The following PDE1C variants were observed in gnomAD, a reference collection of about 807,000 sequenced individuals.
The protein encoded by PDE1C is phosphodiesterase 1C.
A neutral mutation model predicts 93.1 loss-of-function variants in PDE1C; 62 were observed. The observed-to-expected ratio is 0.67, with a 90% CI of 0.54 to 0.82. The LOEUF (loss-of-function observed/expected upper bound fraction) is 0.82. Ranked by LOEUF, PDE1C falls within the 40% of genes least tolerant of loss-of-function variation. PDE1C has a pLI of 0.00. For synonymous variants in PDE1C, 325 were observed against 310.1 expected, an observed-to-expected ratio of 1.05 and a Z score of -0.50; for missense variants, 742 against 884.6, an observed-to-expected ratio of 0.84 and a Z score of 2.04.
chr7:32,242,059 C>T (rs916155524), intron 1 of PDE1C, among the ~76,000 whole-genome samples: 2 of 152,044 alleles, frequency 1.3e-5, no homozygotes, highest in Non-Finnish European at 2.9e-5. Context: ...AATGCACTGA[C>T]CAAGATTTGC....
chr7:32,133,340 G>A (rs1800024962), intron 3 of PDE1C, among the ~76,000 whole-genome samples: 1 of 152,146 alleles, frequency 6.6e-6, no homozygotes, highest in Non-Finnish European at 1.5e-5. Context: ...GGTTTTGGAG[G>A]AAGTTGAAAC....
Position 31,754,023 on chromosome 7 carries a change from T to A in PDE1C, c.1961-470A>T, listed in dbSNP as rs1794283703. Among the ~76,000 whole-genome samples, 3 of 152,022 alleles carry A rather than the reference T, an allele frequency of 2.0e-5. No individual in the cohort carries two copies. In the South Asian group the frequency reaches 6.2e-4, roughly 31 times the overall value. On this transcript the variant is annotated intron_variant, in intron 17 of 17. Transcript: ENST00000396191. ...ATAAAACACATATAAAGATCTTGTA[T>A]TCAAAATATAAAAAGAATTCTTAAA...
At chr7:32,399,815 C>T (rs1165928217) in intron 1 of PDE1C, among the ~76,000 whole-genome samples, 1 of 151,792 alleles carries the variant, frequency 6.6e-6, no homozygotes, top group Non-Finnish European at 1.5e-5. Flanking sequence ...AACTCCTAGC[C>T]TCAAGCAATC....
At chr7:32,181,085 A>T (rs1213680759) in intron 2 of PDE1C, among the ~76,000 whole-genome samples, 1 of 152,212 alleles carries the variant, frequency 6.6e-6, no homozygotes, top group African/African-American at 2.4e-5. Flanking sequence ...AGTCTACATG[A>T]TATCTGGATC....
At chr7:32,015,174 A>G (rs1187130711) in intron 2 of PDE1C, among the ~76,000 whole-genome samples, 1 of 152,056 alleles carries the variant, frequency 6.6e-6, no homozygotes, top group Non-Finnish European at 1.5e-5. Context: ...GTCATGCTGA[A>G]CTGTCAGTCA....
Position 31,810,114 on chromosome 7 carries a change from C to A in PDE1C, c.1814-1006G>T, listed in dbSNP as rs116822310. On this transcript the variant is annotated intron_variant, in intron 15 of 17. Coordinates refer to ENST00000396191, the MANE Select transcript of PDE1C (RefSeq NM_001191057.4). ...GGTTCTTTACAGTATAACAGTGCTG[C>A]ATCCCTATCTAAAATAATTTAATAA... Among the ~76,000 whole-genome samples the A allele has an allele frequency of 4.5e-3, 678 of 152,218 alleles. 6 individuals carry two copies. Among genetic ancestry groups the A allele is most frequent in the African/African-American group, 0.016 (649 of 41,534 alleles).
the PDE1C span, among the ~76,000 whole-genome samples, chr7:31,631,886 C>T: frequency 1.1e-3 from 169 of 152,264 alleles, no homozygotes; most frequent in South Asian, 8.7e-3. Context: ...AGTCTTTCTT[C>T]GGTTTTAGGA....
At chr7:31,644,977 T>C in the PDE1C span, among the ~76,000 whole-genome samples, 1 of 152,216 alleles carries the variant, frequency 6.6e-6, no homozygotes, top group African/African-American at 2.4e-5. Flanking sequence ...TTCTGTTATG[T>C]CATTTAACCT....
At chr7:31,749,777 G>A (rs111341383), downstream of PDE1C, among the ~76,000 whole-genome samples, 853 of 135,596 alleles carry the variant, frequency 6.3e-3, 4 homozygotes, top group African/African-American at 0.022. Context: ...TCACTCTGTC[G>A]CACAGGCTGG....
intron 6 of PDE1C, among the ~76,000 whole-genome samples, chr7:31,866,563 T>A (rs1409332766): frequency 1.3e-5 from 2 of 152,080 alleles, no homozygotes; most frequent in African/African-American, 4.8e-5. Flanking sequence ...GTATTTGTGG[T>A]CATGTAAAGA....
intron 2 of PDE1C, among the ~76,000 whole-genome samples, chr7:32,208,887 A>G (rs573595307): frequency 6.6e-5 from 10 of 152,324 alleles, no homozygotes; most frequent in Admixed American, 2.0e-4. Flanking sequence ...CCACAGCCCT[A>G]GGAATATCCC....
chr7:32,372,081 T>C (rs1585129971), intron 1 of PDE1C, among the ~76,000 whole-genome samples: 1 of 133,018 alleles, frequency 7.5e-6, no homozygotes. Flanking sequence ...TGAGACAGAG[T>C]CTGGCTCTGT....
At chr7:32,389,581 G>A (rs1262484103) in intron 1 of PDE1C, among the ~76,000 whole-genome samples, 1 of 152,172 alleles carries the variant, frequency 6.6e-6, no homozygotes, top group African/African-American at 2.4e-5. Flanking sequence ...GATGCACCAA[G>A]TTCAAGTCAA....
the PDE1C span, among the ~76,000 whole-genome samples, chr7:31,646,763 G>A: frequency 3.3e-5 from 5 of 152,240 alleles, no homozygotes; most frequent in South Asian, 4.1e-4. Context: ...CTCAGACGTG[G>A]GTAGATTTTA....
chr7:31,838,007 G>T, intron 9 of PDE1C, 36 bp from the exon 10 acceptor site: 1 of 1,345,612 alleles, frequency 7.4e-7, no homozygotes, highest in Non-Finnish European at 1.1e-6. Context: ...AAGGATGGAA[G>T]TCAAAAATGG....
intron 13 of PDE1C, among the ~76,000 whole-genome samples, chr7:31,823,468 A>T (rs951287559): frequency 6.6e-6 from 1 of 152,000 alleles, no homozygotes; most frequent in East Asian, 1.9e-4. Flanking sequence ...AAGAGTCTCT[A>T]TATTCTTCAT....
chr7:31,854,844 A>G (rs1562926221), intron 7 of PDE1C, among the ~76,000 whole-genome samples: 1 of 152,126 alleles, frequency 6.6e-6, no homozygotes, highest in Non-Finnish European at 1.5e-5. Flanking sequence ...AGGTGGGTGG[A>G]TCACCTGAGG....
intron 2 of PDE1C, among the ~76,000 whole-genome samples, chr7:31,947,526 G>A (rs1188269006): frequency 1.3e-5 from 2 of 152,202 alleles, no homozygotes; most frequent in Non-Finnish European, 2.9e-5. Context: ...TCCAAAGGCT[G>A]GCTATGCCCT....
chr7:31,948,147 C>G (rs1310856814), intron 2 of PDE1C, among the ~76,000 whole-genome samples: 1 of 152,028 alleles, frequency 6.6e-6, no homozygotes. Context: ...ACTCTGCTCA[C>G]CAAGCAACAA....
Sources: allele counts gnomAD v4.1 joint callset (sites outside exome capture counted in the v4.1 genomes callset), GRCh38; gene constraint gnomAD v4.1.1; transcripts MANE v1.5; gene names NCBI Gene and HGNC (gene_info 2026-07-23, HGNC 2026-07-21).